Variants in SLC9A7 observed in about 807,000 individuals in gnomAD.
SLC9A7 encodes solute carrier family 9 member A7, also known as sodium/hydrogen exchanger 7.
SLC9A7 carries 19 observed loss-of-function variants against 52.6 expected under a neutral mutation model. The ratio of observed to expected loss-of-function variants is 0.36; its 90% CI spans 0.25 to 0.53. The LOEUF is 0.53. Among genes scored for constraint, SLC9A7 ranks in the 20% least tolerant of loss-of-function variants. The probability of loss-of-function intolerance (pLI) is 0.91; values close to 1 mark genes in which losing one functional copy is unlikely to be tolerated. For synonymous variants in SLC9A7, 226 were observed against 252.1 expected (o/e 0.90, Z 0.98); for missense variants, 455 against 597.9 (o/e 0.76, Z 2.49).
intron 1 of SLC9A7, among the ~76,000 whole-genome samples, chrX:46,727,860 A>G (rs1334735780): frequency 8.9e-6 from 1 of 112,219 alleles, no homozygotes; most frequent in East Asian, 2.8e-4. Context: ...CTGCAATATC[A>G]TTTTTGGTAT....
At position 46,631,137 on chromosome X, in the gene SLC9A7, C is replaced by T. The variant is rs145786249; in HGVS notation, c.1740+449G>A. Among the ~76,000 whole-genome samples, 48 of 112,637 alleles carry T rather than the reference C, an allele frequency of 4.3e-4. No individual in the cohort carries two copies. In the East Asian group the frequency reaches 0.013, roughly 32 times the overall value. On this transcript the variant is annotated intron_variant, in intron 14 of 16. Transcript: ENST00000616978. ...CAAGCCGTCCCTGCTATGCCCTTTC[C>T]AAATTGCTCACCTAGAGGATCCCAG...
chrX:46,688,098 G>A (rs1438624234), intron 1 of SLC9A7, among the ~76,000 whole-genome samples: 3 of 112,029 alleles, frequency 2.7e-5, no homozygotes, highest in African/African-American at 9.7e-5. Context: ...AAATATTTGA[G>A]TTGTTTCCCT....
rs1287433467 is a variant in SLC9A7 at position 46,605,617 on chromosome X, C to CG, written c.*1334dup. 1 of 111,891 alleles carries CG rather than the reference C, an allele frequency of 8.9e-6. No individual in the cohort carries two copies. Among genetic ancestry groups the CG allele is most frequent in the Non-Finnish European group, 1.9e-5 (1 of 53,223 alleles). 9.2% of individuals were successfully genotyped at this position (111,891 alleles called of 1,213,427 possible). On this transcript the variant is annotated 3_prime_UTR_variant, in exon 17 of 17. Coordinates refer to ENST00000616978, the MANE Select transcript of SLC9A7 (RefSeq NM_001257291.2). ...GGCCACTGAAATCTCATGCATTCGT[C>CG]GGCTCAAAGTTTGGAATTCTACCTA...
intron 5 of SLC9A7, among the ~76,000 whole-genome samples, chrX:46,666,358 C>T (rs779261684): frequency 8.9e-6 from 1 of 112,081 alleles, no homozygotes; most frequent in Non-Finnish European, 1.9e-5. Context: ...GCACCAGGTA[C>T]TAGAAGTCAA....
At chrX:46,713,254 C>T (rs1200249294) in intron 1 of SLC9A7, among the ~76,000 whole-genome samples, 2 of 110,272 alleles carry the variant, frequency 1.8e-5, no homozygotes, top group East Asian at 5.7e-4. Context: ...AATCCCAGCA[C>T]TTTGGGAGCC....
chrX:46,663,548 G>A (rs1457337090), intron 5 of SLC9A7, among the ~76,000 whole-genome samples: 2 of 95,707 alleles, frequency 2.1e-5, no homozygotes. Flanking sequence ...TGAGGCAGGA[G>A]AATCACTTGA....
intron 11 of SLC9A7, among the ~76,000 whole-genome samples, chrX:46,643,892 G>A (rs1344361902): frequency 9.0e-6 from 1 of 111,668 alleles, no homozygotes; most frequent in African/African-American, 3.3e-5. Flanking sequence ...TTCTGTAACC[G>A]GCCAGATATT....
At chrX:46,658,185 A>G in intron 7 of SLC9A7, among the ~76,000 whole-genome samples, 1 of 105,033 alleles carries the variant, frequency 9.5e-6, no homozygotes, top group Non-Finnish European at 1.9e-5. Flanking sequence ...GAGAACAAAG[A>G]CACAACATAC....
chrX:46,653,535 C>T, intron 8 of SLC9A7, 74 bp downstream of exon 8: 1 of 672,578 alleles, frequency 1.5e-6, no homozygotes. Context: ...TCTAAGAATT[C>T]TTCCCTTCCT....
chrX:46,712,967 C>A (rs1379676572), intron 1 of SLC9A7, among the ~76,000 whole-genome samples: 1 of 111,994 alleles, frequency 8.9e-6, no homozygotes, highest in African/African-American at 3.3e-5. Context: ...ATTTATGGTC[C>A]TCCTAGACTT....
intron 16 of SLC9A7, among the ~76,000 whole-genome samples, chrX:46,612,766 A>C (rs1185862982): frequency 2.8e-5 from 3 of 107,586 alleles, no homozygotes; most frequent in Non-Finnish European, 5.8e-5. Context: ...TCTCTACTAA[A>C]AATACAAAAA....
At chrX:46,740,231 A>G (rs1921241468) in intron 1 of SLC9A7, among the ~76,000 whole-genome samples, 1 of 111,772 alleles carries the variant, frequency 8.9e-6, no homozygotes, top group Non-Finnish European at 1.9e-5. Flanking sequence ...AAGCTTCCCT[A>G]AAGGCCATAT....
intron 1 of SLC9A7, among the ~76,000 whole-genome samples, chrX:46,753,712 G>A (rs1284667075): frequency 9.0e-6 from 1 of 111,719 alleles, no homozygotes; most frequent in Non-Finnish European, 1.9e-5. Context: ...GGCCGGGCAC[G>A]GTGGCTCATG....
chrX:46,629,201 G>A (rs997645055), intron 14 of SLC9A7, among the ~76,000 whole-genome samples: 2 of 111,450 alleles, frequency 1.8e-5, no homozygotes, highest in Non-Finnish European at 3.8e-5. Flanking sequence ...AGTGCAGCGC[G>A]AGTGGCTGCC....
Position 46,675,061 on chromosome X carries a change from ATGTGTGTGTGTGTGTGTG to A in SLC9A7, c.604-2452_604-2435del, listed in dbSNP as rs397895552. 4.7e-3 allele frequency among the ~76,000 whole-genome samples: 326 copies of A among 68,860 alleles called. 5 individuals are homozygous for A. Among genetic ancestry groups the A allele is most frequent in the African/African-American group, 0.013 (267 of 20,763 alleles). The allele number at this position is 68,860 out of a possible 115,157, so 59.8% of individuals were successfully genotyped here. A position where few individuals can be genotyped will look rare whatever the true frequency, so the allele number is the denominator to read the frequency against. On this transcript the variant is annotated intron_variant, in intron 3 of 16. Transcript: ENST00000616978. Reference sequence around the variant, plus strand: ...AGAGAGAGAAAGAGAGAGAGAGTGAATGTGTGTGTGTGTGTGTGTGTGTGTGTGTGTGTGTGTGTGTGT... The same window carrying A: ...AGAGAGAGAAAGAGAGAGAGAGTGAATGTGTGTGTGTGTGTGTGTGTGTGT...
At chrX:46,679,609 A>G in intron 3 of SLC9A7, 69 bp downstream of exon 3, 2 of 848,377 alleles carry the variant, frequency 2.4e-6, no homozygotes, top group Non-Finnish European at 3.4e-6. Context: ...AAAAATAACT[A>G]GAAAATTATG....
chrX:46,706,035 T>C (rs1156245004), intron 1 of SLC9A7, among the ~76,000 whole-genome samples: 1 of 108,549 alleles, frequency 9.2e-6, no homozygotes, highest in Non-Finnish European at 1.9e-5. Context: ...GGCCCTTAGT[T>C]ACATCATAAA....
At chrX:46,751,319 T>G (rs782693227) in intron 1 of SLC9A7, among the ~76,000 whole-genome samples, 3 of 110,443 alleles carry the variant, frequency 2.7e-5, no homozygotes, top group African/African-American at 6.6e-5. Flanking sequence ...TCTCCTATGT[T>G]AAGTCACTGA....
chrX:46,672,891 A>G (rs1944047468), intron 3 of SLC9A7, among the ~76,000 whole-genome samples: 1 of 112,335 alleles, frequency 8.9e-6, no homozygotes, highest in African/African-American at 3.2e-5. Flanking sequence ...ATTACATTAA[A>G]TCACATTAAG....
Sources: gnomAD v4.1 joint callset for allele counts (sites outside exome capture counted in the v4.1 genomes callset) on GRCh38, gnomAD v4.1.1 for gene constraint, MANE v1.5 for transcripts, NCBI Gene and HGNC (gene_info 2026-07-23, HGNC 2026-07-21) for gene names.